The following TRMT44 variants were observed in gnomAD, a reference collection of about 807,000 sequenced individuals.
TRMT44 encodes probable tRNA (uracil-O(2)-)-methyltransferase.
TRMT44 carries 78 observed loss-of-function variants against 77.3 expected under a neutral mutation model. That is an observed-to-expected ratio of 1.01 (90% CI 0.84 to 1.22). TRMT44 has a LOEUF of 1.22. TRMT44 is among the 50% of genes most tolerant of loss of function. TRMT44 has a pLI of 0.00. For synonymous variants in TRMT44, 391 were observed against 383.3 expected, an observed-to-expected ratio of 1.02 and a Z score of -0.23; for missense variants, 1,090 against 964.4, an observed-to-expected ratio of 1.13 and a Z score of -1.73.
At chr4:8,507,040 G>A in the TRMT44 span, 1 of 152,464 alleles carries the variant, frequency 6.6e-6, no homozygotes, top group Non-Finnish European at 1.5e-5. Context: ...CTGCCTGAAG[G>A]GACAAGGAGG....
At position 8,461,050 on chromosome 4, in the gene TRMT44, T is replaced by C. The variant is rs1726121392; in HGVS notation, c.1204-2935T>C. The stretch of plus-strand genomic sequence containing the variant: ...GTTTTTTGTTGAAACAGGGTCTTCC[T>C]ATGTTGCCCAGGCTGGTCTCAAACT... On this transcript the variant is annotated intron_variant, in intron 6 of 10. Transcript: ENST00000389737. This position sits in a 1 kb window ranked among gnomAD's most constrained non-coding sequence, Gnocchi z 4.6. 6.6e-6 allele frequency among the ~76,000 whole-genome samples: 1 copy of C among 152,062 alleles called. No individual in the cohort carries two copies. Among genetic ancestry groups the C allele is most frequent in the Non-Finnish European group, 1.5e-5 (1 of 68,002 alleles).
the TRMT44 span, among the ~76,000 whole-genome samples, chr4:8,501,797 TG>T: frequency 6.6e-6 from 1 of 152,196 alleles, no homozygotes; most frequent in South Asian, 2.1e-4. This position sits in a 1 kb window ranked among gnomAD's most constrained non-coding sequence, Gnocchi z 4.4. Flanking sequence ...TGCCATCGGC[TG>T]TGAGCTCAGC....
chr4:8,515,583 G>A, the TRMT44 span, among the ~76,000 whole-genome samples: 1 of 152,186 alleles, frequency 6.6e-6, no homozygotes, highest in Non-Finnish European at 1.5e-5. Context: ...ACCCGAGTCG[G>A]GTGAGTCAGG....
intron 6 of TRMT44, among the ~76,000 whole-genome samples, chr4:8,459,786 G>A (rs1308318484): frequency 6.6e-6 from 1 of 152,150 alleles, no homozygotes; most frequent in African/African-American, 2.4e-5. Flanking sequence ...AGGTGCTGAC[G>A]ATTTAACAGT....
chr4:8,494,841 A>G (rs528596543), downstream of TRMT44, among the ~76,000 whole-genome samples: 1 of 151,786 alleles, frequency 6.6e-6, no homozygotes, highest in African/African-American at 2.4e-5. Flanking sequence ...TTATATAGGG[A>G]TAAAATGGGA....
chr4:8,465,972 A>C lies in TRMT44; in HGVS notation c.1494+411A>C, dbSNP rs564446428. 8.8e-4 allele frequency among the ~76,000 whole-genome samples: 134 copies of C among 152,324 alleles called. 1 individual carries two copies. The highest frequency in any genetic ancestry group is 3.2e-3 in the African/African-American group (132 of 41,580). On this transcript the variant is annotated intron_variant, in intron 8 of 10. Transcript: ENST00000389737. ...CACAGTGATTTCCCATTTTCTCATT[A>C]AAGGCCTAGTTCATTCAGATTCACC...
intron 2 of TRMT44, among the ~76,000 whole-genome samples, chr4:8,492,479 C>T (rs4632643): frequency 0.5 from 75,620 of 152,018 alleles, 18,961 homozygotes; most frequent in Admixed American, 0.55. Flanking sequence ...CCTTGTTCAT[C>T]CCCGGGCGTA....
intron 9 of TRMT44, among the ~76,000 whole-genome samples, chr4:8,468,753 C>G (rs1337435325): frequency 6.6e-6 from 1 of 152,138 alleles, no homozygotes; most frequent in Non-Finnish European, 1.5e-5. Context: ...CTTTGAAATC[C>G]CCAAAACACA....
intron 5 of TRMT44, chr4:8,453,424 C>T (rs12503080): frequency 0.026 from 4,007 of 153,258 alleles, 95 homozygotes; most frequent in African/African-American, 0.066. Context: ...CACTTGAGCC[C>T]GGGAGTTTGA....
rs926583872 is a variant in TRMT44 at position 8,459,922 on chromosome 4, G to A, written c.1204-4063G>A. Among the ~76,000 whole-genome samples, 11 of 152,148 alleles carry A rather than the reference G, an allele frequency of 7.2e-5. 1 individual carries two copies. The highest frequency in any genetic ancestry group is 1.2e-4 in the African/African-American group (5 of 41,438). ...AGGCTGGGGGTGTTGTGTAGTGGCC[G>A]CCGCTGGAGAAGAGAACAGAACAGA... On this transcript the variant is annotated intron_variant, in intron 6 of 10. Transcript: ENST00000389737.
chr4:8,473,610 C>G (rs940887653), intron 10 of TRMT44: 3 of 152,410 alleles, frequency 2.0e-5, no homozygotes, highest in Non-Finnish European at 4.4e-5. Context: ...GATGGCGGCT[C>G]CTGTGCTGAG....
chr4:8,514,522 C>A, the TRMT44 span, among the ~76,000 whole-genome samples: 4 of 152,026 alleles, frequency 2.6e-5, no homozygotes, highest in African/African-American at 4.8e-5. Context: ...GGTGATCCGC[C>A]CGCCTCAGCC....
chr4:8,510,815 G>C, the TRMT44 span: 1 of 152,306 alleles, frequency 6.6e-6, no homozygotes, highest in Non-Finnish European at 1.5e-5. Flanking sequence ...GGGTGGAGGG[G>C]GCACAGGGCT....
At chr4:8,443,883 C>T (rs1208129617) in intron 1 of TRMT44, among the ~76,000 whole-genome samples, 1 of 151,916 alleles carries the variant, frequency 6.6e-6, no homozygotes, top group Non-Finnish European at 1.5e-5. Flanking sequence ...TGACGTGAAC[C>T]CGGTGAGTGG....
At chr4:8,466,467 G>A (rs528887970) in intron 8 of TRMT44, among the ~76,000 whole-genome samples, 45 of 152,370 alleles carry the variant, frequency 3.0e-4, no homozygotes, top group African/African-American at 8.2e-4. Flanking sequence ...GCCGGCTGCC[G>A]TCATAGCCGT....
chr4:8,485,652 G>A (rs371556925), intron 2 of TRMT44, among the ~76,000 whole-genome samples: 45 of 152,230 alleles, frequency 3.0e-4, no homozygotes, highest in African/African-American at 8.7e-4. Context: ...AGGAAGATGC[G>A]AAGGAGGCTT....
chr4:8,466,648 A>G (rs1320891822), intron 8 of TRMT44, among the ~76,000 whole-genome samples: 1 of 152,118 alleles, frequency 6.6e-6, no homozygotes, highest in Non-Finnish European at 1.5e-5. Context: ...TGATTTGGGG[A>G]AACTGCTAAA....
downstream of TRMT44, among the ~76,000 whole-genome samples, chr4:8,497,128 G>C (rs543212535): frequency 6.7e-6 from 1 of 148,958 alleles, no homozygotes; most frequent in South Asian, 2.1e-4. Context: ...ATGGGCTTTA[G>C]ACAACTCTTC....
chr4:8,454,002 A>C (rs1454432302), intron 5 of TRMT44, among the ~76,000 whole-genome samples: 1 of 152,204 alleles, frequency 6.6e-6, no homozygotes, highest in Non-Finnish European at 1.5e-5. Flanking sequence ...GTAGTGTATC[A>C]GGTGGCAGCT....
Sources: gnomAD v4.1 joint callset for allele counts (sites outside exome capture counted in the v4.1 genomes callset) on GRCh38, gnomAD v4.1.1 for gene constraint, Gnocchi (gnomAD v3.1) non-coding constraint, MANE v1.5 for transcripts, NCBI Gene and HGNC (gene_info 2026-07-23, HGNC 2026-07-21) for gene names.